Variants in PEX5L observed in about 807,000 individuals in gnomAD.
PEX5L encodes the protein PEX5-related protein.
PEX5L carries 30 observed loss-of-function variants against 84.0 expected under a neutral mutation model. The observed-to-expected ratio is 0.36, with a 90% CI of 0.27 to 0.48. The LOEUF (loss-of-function observed/expected upper bound fraction) is 0.48. Among genes scored for constraint, PEX5L ranks in the 20% least tolerant of loss-of-function variants. The pLI is 0.99. For synonymous variants in PEX5L, 270 were observed against 283.1 expected (o/e 0.95, Z 0.46); for missense variants, 533 against 754.6 (o/e 0.71, Z 3.44).
intron 1 of PEX5L, among the ~76,000 whole-genome samples, chr3:179,995,004 A>G (rs1184566389): frequency 6.6e-6 from 1 of 151,224 alleles, no homozygotes; most frequent in Non-Finnish European, 1.5e-5. Flanking sequence ...CCATCTATAT[A>G]TATGTAGTTA....
At chr3:179,888,225 C>T in intron 3 of PEX5L, 1 of 1,217,164 alleles carries the variant, frequency 8.2e-7, no homozygotes, top group Non-Finnish European at 1.1e-6. Context: ...AGTGCAAACA[C>T]ACGGATCAGT....
chr3:179,904,497 A>G (rs1762469413), intron 2 of PEX5L, among the ~76,000 whole-genome samples: 1 of 152,148 alleles, frequency 6.6e-6, no homozygotes, highest in Admixed American at 6.5e-5. Context: ...TGGCCACCAT[A>G]TGTATACTCA....
Position 179,798,008 on chromosome 3 carries a change from T to C in PEX5L, c.*3820A>G, listed in dbSNP as rs559583234. 6 of 152,316 alleles carry C rather than the reference T, an allele frequency of 3.9e-5. No individual in the cohort carries two copies. Among genetic ancestry groups the C allele is most frequent in the African/African-American group, 7.2e-5 (3 of 41,582 alleles). The allele number at this position is 152,316 out of a possible 1,614,324, so 9.4% of individuals were successfully genotyped here. A position where few individuals can be genotyped will look rare whatever the true frequency, so the allele number is the denominator to read the frequency against. On this transcript the variant is annotated 3_prime_UTR_variant, in exon 15 of 15. Transcript: ENST00000467460. ...TTCCCAAGCTCACAGACAAAGTTTA[T>C]GATAAAGAGTTTGGAAGCTTTTATT...
intron 2 of PEX5L, among the ~76,000 whole-genome samples, chr3:179,918,431 G>A (rs931953117): frequency 1.3e-4 from 20 of 152,300 alleles, no homozygotes; most frequent in Non-Finnish European, 2.5e-4. Context: ...TCTTCTAGAA[G>A]GCACTGTGAT....
At chr3:180,014,699 T>G (rs1455627604) in intron 1 of PEX5L, among the ~76,000 whole-genome samples, 1 of 152,100 alleles carries the variant, frequency 6.6e-6, no homozygotes, top group Admixed American at 6.5e-5. Flanking sequence ...TTATAAAAAG[T>G]GTGTGTTCTA....
chr3:179,883,500 TTGA>T (rs1237138619), intron 4 of PEX5L, among the ~76,000 whole-genome samples: 1 of 152,230 alleles, frequency 6.6e-6, no homozygotes, highest in Non-Finnish European at 1.5e-5. Flanking sequence ...CTGTCTGAGT[TTGA>T]CTGAGTGCAG....
Position 179,874,319 on chromosome 3 carries a change from T to G in PEX5L, c.726+8A>C, listed in dbSNP as rs761413634. ...AAGATGTGTTCATTGAATAATCAGT[T>G]TTGTTACCTGAGTCGGAGCCACTAA... On this transcript the variant is annotated splice_region_variant and intron_variant, in intron 7 of 14. Coordinates refer to ENST00000467460, the MANE Select transcript of PEX5L (RefSeq NM_016559.3). The G allele has an allele frequency of 2.6e-6, 4 of 1,540,254 alleles. No homozygotes were observed. The Admixed American group carries it at 6.7e-5, about 26-fold the overall frequency.
intron 2 of PEX5L, chr3:179,902,546 A>G (rs532983491): frequency 1.9e-5 from 6 of 312,982 alleles, no homozygotes; most frequent in African/African-American, 1.1e-4. Flanking sequence ...TAAGTATTTC[A>G]TATATATACA....
chr3:180,001,494 T>A (rs1212670081), intron 1 of PEX5L, among the ~76,000 whole-genome samples: 1 of 82,840 alleles, frequency 1.2e-5, no homozygotes, highest in Non-Finnish European at 2.4e-5. Context: ...AGAAAACAAA[T>A]TTTTTTTTTG....
intron 8 of PEX5L, among the ~76,000 whole-genome samples, chr3:179,851,546 T>C (rs1362259661): frequency 1.3e-5 from 2 of 152,246 alleles, no homozygotes; most frequent in African/African-American, 4.8e-5. Flanking sequence ...TAGTTAGCAG[T>C]AAACTTTTTC....
At chr3:179,893,725 A>C (rs77436102) in intron 3 of PEX5L, among the ~76,000 whole-genome samples, 3,912 of 152,268 alleles carry the variant, frequency 0.026, 175 homozygotes, top group African/African-American at 0.09. Flanking sequence ...TACTTCAATA[A>C]TAATTTTTAA....
In PEX5L at chr3:179,801,049, A is replaced by T. The variant is rs116376993; in HGVS notation, c.*779T>A. The T allele has an allele frequency of 2.4e-4, 36 of 152,708 alleles. No homozygotes were observed. The highest frequency in any genetic ancestry group is 4.6e-4 in the Non-Finnish European group (31 of 68,028). The allele number at this position is 152,708 out of a possible 1,614,324, so 9.5% of individuals were successfully genotyped here. A position where few individuals can be genotyped will look rare whatever the true frequency, so the allele number is the denominator to read the frequency against. ...TGCTTTAAGAAAAACACTTCTTCAA[A>T]ATCCTACACTATGAAAAACTGTCTT... On this transcript the variant is annotated 3_prime_UTR_variant, in exon 15 of 15. Transcript: ENST00000467460.
intron 2 of PEX5L, among the ~76,000 whole-genome samples, chr3:179,927,544 C>T (rs1214318044): frequency 1.3e-5 from 2 of 152,162 alleles, no homozygotes; most frequent in African/African-American, 4.8e-5. Context: ...TGGAAGTCTA[C>T]ATTGTAGAAA....
chr3:179,998,685 C>T (rs866211772), intron 1 of PEX5L, among the ~76,000 whole-genome samples: 15 of 152,214 alleles, frequency 9.9e-5, no homozygotes, highest in East Asian at 1.9e-4. Flanking sequence ...ATCCATCTAG[C>T]GATAAAGTGG....
At chr3:179,842,216 T>A (rs1737584321) in intron 8 of PEX5L, among the ~76,000 whole-genome samples, 1 of 152,214 alleles carries the variant, frequency 6.6e-6, no homozygotes, top group South Asian at 2.1e-4. Context: ...ACAGCTGTGA[T>A]GTGGAACCAA....
At chr3:179,964,556 A>G (rs559169100) in intron 2 of PEX5L, among the ~76,000 whole-genome samples, 11 of 152,322 alleles carry the variant, frequency 7.2e-5, no homozygotes, top group African/African-American at 2.6e-4. Flanking sequence ...GCATCTCACG[A>G]AGGTCTAATA....
At chr3:179,847,171 T>C (rs956764220) in intron 8 of PEX5L, among the ~76,000 whole-genome samples, 2 of 151,814 alleles carry the variant, frequency 1.3e-5, no homozygotes, top group African/African-American at 4.8e-5. Context: ...CTATTGGTGA[T>C]ATAGTGTGAT....
At chr3:179,964,288 G>A (rs1414907464) in intron 2 of PEX5L, among the ~76,000 whole-genome samples, 1 of 151,970 alleles carries the variant, frequency 6.6e-6, no homozygotes, top group Non-Finnish European at 1.5e-5. Flanking sequence ...GTTTGCTTAG[G>A]AAAATAACCT....
At chr3:179,820,789 C>T (rs1260279403) in intron 8 of PEX5L, among the ~76,000 whole-genome samples, 1 of 152,128 alleles carries the variant, frequency 6.6e-6, no homozygotes, top group Non-Finnish European at 1.5e-5. Flanking sequence ...TTTTATTAAG[C>T]CTGAAGAGAG....
Sources: allele counts gnomAD v4.1 joint callset (sites outside exome capture counted in the v4.1 genomes callset), GRCh38; gene constraint gnomAD v4.1.1; transcripts MANE v1.5; gene names NCBI Gene and HGNC (gene_info 2026-07-23, HGNC 2026-07-21).